The following DPYSL5 variants were observed in gnomAD, a reference collection of about 807,000 sequenced individuals.
DPYSL5 encodes dihydropyrimidinase like 5.
Under a neutral mutation model 58.4 loss-of-function variants are expected in DPYSL5, and 9 were observed. That is an observed-to-expected ratio of 0.15 (90% CI 0.09 to 0.27). DPYSL5 has a LOEUF of 0.27. Among genes scored for constraint, DPYSL5 ranks in the 10% least tolerant of loss-of-function variants. The probability of loss-of-function intolerance (pLI) is 1.00; values close to 1 mark genes in which losing one functional copy is unlikely to be tolerated. For synonymous variants in DPYSL5, 293 were observed against 301.9 expected, an observed-to-expected ratio of 0.97 and a Z score of 0.31; for missense variants, 499 against 770.6, an observed-to-expected ratio of 0.65 and a Z score of 4.17.
rs528347839 is a variant in DPYSL5 at position 26,868,403 on chromosome 2, C to T, written c.-5+20149C>T. Among the ~76,000 whole-genome samples, 16 of 152,198 alleles carry T rather than the reference C, an allele frequency of 1.1e-4. No homozygotes were observed. The South Asian group carries it at 2.1e-3, about 20-fold the overall frequency. On this transcript the variant is annotated intron_variant, in intron 1 of 12. Coordinates refer to ENST00000288699, the MANE Select transcript of DPYSL5 (RefSeq NM_020134.4). ...CTGAGTTTGCAGACTGAGTTAAAAGCGATCCCCTACTCCTTGGTGGTACGC... is the reference window on the plus strand; with the variant it reads ...CTGAGTTTGCAGACTGAGTTAAAAGTGATCCCCTACTCCTTGGTGGTACGC...
At chr2:26,943,925 C>G (rs150670065) in intron 11 of DPYSL5, among the ~76,000 whole-genome samples, 1 of 152,160 alleles carries the variant, frequency 6.6e-6, no homozygotes, top group African/African-American at 2.4e-5. Flanking sequence ...AGTTGTCAGA[C>G]CAGTAAAGGG....
intron 5 of DPYSL5, among the ~76,000 whole-genome samples, chr2:26,930,929 G>A (rs564664544): frequency 1.3e-4 from 19 of 150,478 alleles, no homozygotes; most frequent in African/African-American, 3.7e-4. Context: ...AGCCAAGATT[G>A]CGCCACTGCA....
In DPYSL5 at chr2:26,944,150, A is replaced by G. The variant is rs1665400385; in HGVS notation, c.1441-506A>G. On this transcript the variant is annotated intron_variant, in intron 11 of 12. Coordinates refer to ENST00000288699, the MANE Select transcript of DPYSL5 (RefSeq NM_020134.4). The surrounding 1 kb of genome is among the most constrained non-coding windows in gnomAD (Gnocchi z 4.4). ...TTAAAAATACAAAAATTAGTCAGGC[A>G]CGGTGGCAGGCGCCTGTAATCCTAG... is the stretch of plus-strand genomic sequence containing the variant. 6.6e-6 allele frequency among the ~76,000 whole-genome samples: 1 copy of G among 152,076 alleles called. No individual in the cohort carries two copies. Among genetic ancestry groups the G allele is most frequent in the African/African-American group, 2.4e-5 (1 of 41,410 alleles).
At chr2:26,867,442 T>C (rs1183295211) in intron 1 of DPYSL5, among the ~76,000 whole-genome samples, 1 of 149,192 alleles carries the variant, frequency 6.7e-6, no homozygotes, top group East Asian at 1.9e-4. Context: ...CCCAATTGTT[T>C]GTTTTTTTTT....
intron 1 of DPYSL5, among the ~76,000 whole-genome samples, chr2:26,882,405 C>T (rs1663593037): frequency 6.7e-6 from 1 of 148,628 alleles, no homozygotes; most frequent in Non-Finnish European, 1.5e-5. Context: ...ACCACCATGC[C>T]CAGCTTATTG....
chr2:26,884,371 CA>C (rs1663655340), intron 1 of DPYSL5, among the ~76,000 whole-genome samples: 2 of 152,162 alleles, frequency 1.3e-5, no homozygotes, highest in African/African-American at 2.4e-5. Context: ...GCCCAGGCCT[CA>C]AGTAATGAAG....
At chr2:26,945,504 C>T (rs1159798251) in intron 12 of DPYSL5, among the ~76,000 whole-genome samples, 1 of 150,440 alleles carries the variant, frequency 6.6e-6, no homozygotes, top group African/African-American at 2.4e-5. Context: ...AGTTTCCCGC[C>T]CCCCCGTCCC....
intron 1 of DPYSL5, among the ~76,000 whole-genome samples, chr2:26,894,128 T>C (rs1188435781): frequency 1.3e-5 from 2 of 151,492 alleles, no homozygotes; most frequent in Non-Finnish European, 2.9e-5. Flanking sequence ...GATAATTCCT[T>C]ACTTATTTTG....
rs988691363 is a variant in DPYSL5 at position 26,924,840 on chromosome 2, G to C, written c.262-47G>C. 6.3e-7 allele frequency: 1 copy of C among 1,591,370 alleles called. No individual in the cohort carries two copies. The highest frequency in any genetic ancestry group is 8.6e-7 in the Non-Finnish European group (1 of 1,168,190). ...CCATGTCTCACCACATCATTGACTCGGGGGCAGGCAGGGCTGTGACGAGAC... is the reference window on the plus strand; with the variant it reads ...CCATGTCTCACCACATCATTGACTCCGGGGCAGGCAGGGCTGTGACGAGAC... On this transcript the variant is annotated intron_variant, in intron 2 of 12. Coordinates refer to ENST00000288699, the MANE Select transcript of DPYSL5 (RefSeq NM_020134.4). This position sits in a 1 kb window ranked among gnomAD's most constrained non-coding sequence, Gnocchi z 4.7.
At chr2:26,848,098 G>T (rs1369046735), upstream of DPYSL5, 1 of 151,052 alleles carries the variant, frequency 6.6e-6, no homozygotes, top group African/African-American at 2.4e-5. Flanking sequence ...CCCCTCCCCC[G>T]CTCCCCACTC....
intron 5 of DPYSL5, among the ~76,000 whole-genome samples, chr2:26,930,327 G>A (rs726734): frequency 0.02 from 2,983 of 152,198 alleles, 71 homozygotes; most frequent in African/African-American, 0.061. Flanking sequence ...AATTATCACC[G>A]CCATTATCTA....
chr2:26,866,276 T>C (rs1666136570), intron 1 of DPYSL5, among the ~76,000 whole-genome samples: 1 of 152,222 alleles, frequency 6.6e-6, no homozygotes, highest in African/African-American at 2.4e-5. Flanking sequence ...GTCCTGTGCA[T>C]GACACATAAT....
rs1558347210 is a variant in DPYSL5, at chr2:26,924,639, GCGCCAAGC to G, written c.262-247_262-240del. On this transcript the variant is annotated intron_variant, in intron 2 of 12. Transcript: ENST00000288699. The surrounding 1 kb of genome is among the most constrained non-coding windows in gnomAD (Gnocchi z 4.7). ...TGACCCACGATGTGGTTTTTCCAGC[GCGCCAAGC>G]TGAAACCCTGGCGGAGGAAGAAGCA... is the stretch of plus-strand genomic sequence containing the variant. 1.3e-5 allele frequency among the ~76,000 whole-genome samples: 2 copies of G among 152,250 alleles called. No individual in the cohort carries two copies. Among genetic ancestry groups the G allele is most frequent in the East Asian group, 3.9e-4 (2 of 5,168 alleles).
At chr2:26,931,446 C>T (rs371775143) in intron 5 of DPYSL5, among the ~76,000 whole-genome samples, 194 bp from the exon 6 acceptor site, 2 of 151,918 alleles carry the variant, frequency 1.3e-5, no homozygotes, top group African/African-American at 2.4e-5. Context: ...CCAGCAAGGG[C>T]GTGCCTGGTA....
chr2:26,850,598 A>G (rs1665727347), intron 1 of DPYSL5, among the ~76,000 whole-genome samples: 1 of 152,200 alleles, frequency 6.6e-6, no homozygotes, highest in South Asian at 2.1e-4. Context: ...TTGGCATTGT[A>G]GAACTCATTG....
chr2:26,906,186 C>CTTT (rs35287552), intron 2 of DPYSL5, among the ~76,000 whole-genome samples: 8 of 138,768 alleles, frequency 5.8e-5, no homozygotes, highest in Non-Finnish European at 7.7e-5. Context: ...AAACCCATAT[C>CTTT]TTTTTTTTTT....
At position 26,942,472 on chromosome 2, in the gene DPYSL5, C is replaced by A; in HGVS notation, c.1233-71C>A. 2 of 1,515,460 alleles carry A rather than the reference C, an allele frequency of 1.3e-6. No individual in the cohort carries two copies. The highest frequency in any genetic ancestry group is 9.0e-7 in the Non-Finnish European group (1 of 1,114,750). 93.9% of individuals were successfully genotyped at this position (1,515,460 alleles called of 1,614,324 possible). On this transcript the variant is annotated intron_variant, in intron 10 of 12. Coordinates refer to ENST00000288699, the MANE Select transcript of DPYSL5 (RefSeq NM_020134.4). This position sits in a 1 kb window ranked among gnomAD's most constrained non-coding sequence, Gnocchi z 5.9. ...CATAACAACCAGCCTTTGGGGCTCA[C>A]CCCTCCCATGGAGCTGTGACATTTT...
chr2:26,947,052 C>A lies in DPYSL5; in HGVS notation c.*57C>A. 1 of 1,446,922 alleles carries A rather than the reference C, an allele frequency of 6.9e-7. No homozygotes were observed. Among genetic ancestry groups the A allele is most frequent in the East Asian group, 2.4e-5 (1 of 41,752 alleles). The allele number at this position is 1,446,922 out of a possible 1,614,324, so 89.6% of individuals were successfully genotyped here. A position where few individuals can be genotyped will look rare whatever the true frequency, so the allele number is the denominator to read the frequency against. ...ACCGCCGCCACCAGCCCGCAACTCTCCAGCCGAAGCTGCAGGGGCAGGAGA... is the reference window on the plus strand; with the variant it reads ...ACCGCCGCCACCAGCCCGCAACTCTACAGCCGAAGCTGCAGGGGCAGGAGA... On this transcript the variant is annotated 3_prime_UTR_variant, in exon 13 of 13. Transcript: ENST00000288699. The surrounding 1 kb of genome is among the most constrained non-coding windows in gnomAD (Gnocchi z 4.2).
intron 1 of DPYSL5, among the ~76,000 whole-genome samples, chr2:26,856,867 A>G (rs1402463565): frequency 6.7e-6 from 1 of 149,316 alleles, no homozygotes; most frequent in East Asian, 1.9e-4. Context: ...CTCCACAGTA[A>G]TCTATCAGTT....
Sources: allele counts gnomAD v4.1 joint callset (sites outside exome capture counted in the v4.1 genomes callset), GRCh38; gene constraint gnomAD v4.1.1; non-coding constraint Gnocchi (gnomAD v3.1); transcripts MANE v1.5; gene names NCBI Gene and HGNC (gene_info 2026-07-23, HGNC 2026-07-21).